Variants in CMIP observed in about 807,000 individuals in gnomAD.
The protein encoded by CMIP is c-Maf inducing protein.
CMIP carries 13 observed loss-of-function variants against 97.3 expected under a neutral mutation model. The observed-to-expected ratio is 0.13, with a 90% CI of 0.09 to 0.21. The LOEUF is 0.21. CMIP is among the 10% of genes least tolerant of loss of function. The pLI is 1.00. For missense variants in CMIP, 847 were observed against 1,024.9 expected, an observed-to-expected ratio of 0.83 and a Z score of 2.37; for synonymous variants, 538 against 436.3, an observed-to-expected ratio of 1.23 and a Z score of -2.91.
At chr16:81,485,757 A>T (rs1182611458) in intron 1 of CMIP, among the ~76,000 whole-genome samples, 4 of 152,254 alleles carry the variant, frequency 2.6e-5, no homozygotes, top group Non-Finnish European at 1.5e-5. Flanking sequence ...ACAGGGAACA[A>T]CCTGGTGAAA....
At chr16:81,612,359 C>G (rs2091845752) in intron 2 of CMIP, among the ~76,000 whole-genome samples, 1 of 152,138 alleles carries the variant, frequency 6.6e-6, no homozygotes, top group Non-Finnish European at 1.5e-5. Context: ...CTCGGCTCTT[C>G]TCACCAATGT....
At chr16:81,505,139 C>T (rs1393756849) in intron 1 of CMIP, among the ~76,000 whole-genome samples, 2 of 152,248 alleles carry the variant, frequency 1.3e-5, no homozygotes, top group African/African-American at 4.8e-5. Context: ...GGGCCCGTCT[C>T]AACATGTGCT....
At chr16:81,491,589 T>C (rs1222903821) in intron 1 of CMIP, among the ~76,000 whole-genome samples, 1 of 152,216 alleles carries the variant, frequency 6.6e-6, no homozygotes, top group African/African-American at 2.4e-5. Flanking sequence ...CACCCAAGTA[T>C]GGAAATCCTA....
At chr16:81,495,384 C>T (rs2089470358) in intron 1 of CMIP, 16 of 1,540,214 alleles carry the variant, frequency 1.0e-5, no homozygotes, top group Admixed American at 9.9e-5. Flanking sequence ...ATGGCATAAC[C>T]GTTTGAGAAC....
At chr16:81,574,867 G>T (rs146705113) in intron 1 of CMIP, among the ~76,000 whole-genome samples, 3 of 152,196 alleles carry the variant, frequency 2.0e-5, no homozygotes, top group African/African-American at 7.2e-5. Context: ...GCAAGGACAG[G>T]ATTGTCCCCT....
In CMIP at chr16:81,558,657, G is replaced by T. The variant is rs9972652; in HGVS notation, c.301-48910G>T. On this transcript the variant is annotated intron_variant, in intron 1 of 20. Coordinates refer to ENST00000537098, the MANE Select transcript of CMIP (RefSeq NM_198390.3). Reference sequence around the variant, plus strand: ...GGAGGCGTGGGGAGGAGGCAGGCCAGCCAGGCAGGCTGCTGGGAAAGTTGT... The same window carrying T: ...GGAGGCGTGGGGAGGAGGCAGGCCATCCAGGCAGGCTGCTGGGAAAGTTGT... Among the ~76,000 whole-genome samples the T allele has an allele frequency of 2.4e-3, 371 of 152,304 alleles. 1 individual carries two copies. Among genetic ancestry groups the T allele is most frequent in the African/African-American group, 8.4e-3 (350 of 41,564 alleles).
Position 81,710,351 on chromosome 16 carries a change from A to G in CMIP, c.*552A>G. The stretch of plus-strand genomic sequence containing the variant: ...GATTTAAATAATGCACCTATTTAAG[A>G]CATGTTGACAAATTGCGGGTCTGGG... On this transcript the variant is annotated 3_prime_UTR_variant, in exon 21 of 21. Coordinates refer to ENST00000537098, the MANE Select transcript of CMIP (RefSeq NM_198390.3). The G allele has an allele frequency of 6.3e-6, 1 of 157,984 alleles. No homozygotes were observed. Among genetic ancestry groups the G allele is most frequent in the Non-Finnish European group, 1.4e-5 (1 of 70,842 alleles). The allele number at this position is 157,984 out of a possible 1,614,324, so 9.8% of individuals were successfully genotyped here.
chr16:81,672,119 G>A (rs1272945273), intron 9 of CMIP, 49 bp downstream of exon 9: 1 of 1,146,364 alleles, frequency 8.7e-7, no homozygotes, highest in Admixed American at 2.0e-5. Flanking sequence ...GGGGCAAACT[G>A]CCACCCCCAT....
chr16:81,599,036 C>T (rs2091613286), intron 1 of CMIP, among the ~76,000 whole-genome samples: 1 of 149,934 alleles, frequency 6.7e-6, no homozygotes, highest in Non-Finnish European at 1.5e-5. Flanking sequence ...GGTGCAGTGT[C>T]AAGTGTCAGC....
At chr16:81,678,165 A>C in intron 9 of CMIP, 110 bp from the exon 10 acceptor site, 1 of 730,060 alleles carries the variant, frequency 1.4e-6, no homozygotes, top group Non-Finnish European at 2.2e-6. Context: ...TGATGATAGT[A>C]TTACATTTTG....
intron 10 of CMIP, among the ~76,000 whole-genome samples, chr16:81,690,292 G>A (rs1179607074): frequency 6.6e-6 from 1 of 152,198 alleles, no homozygotes; most frequent in African/African-American, 2.4e-5. Flanking sequence ...CATGAGCATG[G>A]AATGTTCTTC....
rs118147093 is a variant in CMIP, at chr16:81,465,545, A to G, written c.300+20004A>G. ...CACTGTCCCAAGAAGGCTGCCTCGCACAATGCCTGGTTGTGGTTAGTGCTC... is the reference window on the plus strand; with the variant it reads ...CACTGTCCCAAGAAGGCTGCCTCGCGCAATGCCTGGTTGTGGTTAGTGCTC... On this transcript the variant is annotated intron_variant, in intron 1 of 20. Transcript: ENST00000537098. 0.023 allele frequency among the ~76,000 whole-genome samples: 3,466 copies of G among 152,338 alleles called. 223 individuals are homozygous for G. The East Asian group carries it at 0.28, about 12-fold the overall frequency.
rs185597581 is a variant in CMIP, at chr16:81,537,905, C to T, written c.301-69662C>T. On this transcript the variant is annotated intron_variant, in intron 1 of 20. Coordinates refer to ENST00000537098, the MANE Select transcript of CMIP (RefSeq NM_198390.3). ...GGTCAGCTGAAGGTGTCGGGGAACTCACAGAGGGTGGAGAGAGCCCTGGGT... is the reference window on the plus strand; with the variant it reads ...GGTCAGCTGAAGGTGTCGGGGAACTTACAGAGGGTGGAGAGAGCCCTGGGT... Among the ~76,000 whole-genome samples, 575 of 151,352 alleles carry T rather than the reference C, an allele frequency of 3.8e-3. 2 individuals carry two copies. The highest frequency in any genetic ancestry group is 0.027 in the Middle Eastern group (8 of 292).
chr16:81,660,657 A>C (rs1035298147), intron 5 of CMIP, among the ~76,000 whole-genome samples: 10 of 152,096 alleles, frequency 6.6e-5, no homozygotes, highest in African/African-American at 2.2e-4. Flanking sequence ...CTCTTTAGAA[A>C]CACCTTGTTT....
intron 16 of CMIP, among the ~76,000 whole-genome samples, chr16:81,702,223 G>A (rs952877809): frequency 2.6e-5 from 4 of 152,202 alleles, no homozygotes; most frequent in African/African-American, 9.7e-5. Context: ...CCCTCAACCA[G>A]TCCCTTCTGG....
intron 1 of CMIP, among the ~76,000 whole-genome samples, chr16:81,587,429 G>T (rs145785679): frequency 1.3e-3 from 194 of 152,322 alleles, no homozygotes; most frequent in African/African-American, 4.6e-3. Flanking sequence ...GGGGGCCTGT[G>T]ACCCAGTGGG....
At chr16:81,615,114 GTC>G (rs1478637929) in intron 2 of CMIP, among the ~76,000 whole-genome samples, 1 of 149,982 alleles carries the variant, frequency 6.7e-6, no homozygotes, top group Non-Finnish European at 1.5e-5. Context: ...TATGGTATGT[GTC>G]TGTGGTGTGT....
intron 1 of CMIP, among the ~76,000 whole-genome samples, chr16:81,511,825 G>A (rs1243815221): frequency 6.6e-6 from 1 of 152,148 alleles, no homozygotes; most frequent in African/African-American, 2.4e-5. Flanking sequence ...ACCTCTCAAA[G>A]TGCTAGGATT....
rs1353535014 is a variant in CMIP at position 81,444,889 on chromosome 16, C to A, written c.-353C>A. 2.2e-5 allele frequency among the ~76,000 whole-genome samples: 3 copies of A among 139,418 alleles called. No homozygotes were observed. The highest frequency in any genetic ancestry group is 7.7e-5 in the African/African-American group (3 of 38,798). 91.5% of individuals were successfully genotyped at this position (139,418 alleles called of 152,430 possible). A position where few individuals can be genotyped will look rare whatever the true frequency, so the allele number is the denominator to read the frequency against. ...CGGGGCCCCGAGACACGCCCGCCCC[C>A]ACCCCGCCGCCCCCACCCCGGCGCC... On this transcript the variant is annotated 5_prime_UTR_variant, in exon 1 of 21. Coordinates refer to ENST00000537098, the MANE Select transcript of CMIP (RefSeq NM_198390.3).
Sources: allele counts gnomAD v4.1 joint callset (sites outside exome capture counted in the v4.1 genomes callset), GRCh38; gene constraint gnomAD v4.1.1; transcripts MANE v1.5; gene names NCBI Gene and HGNC (gene_info 2026-07-23, HGNC 2026-07-21).